Variants in FCHSD2 observed in about 807,000 individuals in gnomAD.
FCHSD2 encodes the protein F-BAR and double SH3 domains protein 2.
In FCHSD2, 38 loss-of-function variants were observed where a neutral mutation model predicts 108.1. The observed-to-expected ratio is 0.35, with a 90% CI of 0.27 to 0.46. FCHSD2 has a LOEUF of 0.46. FCHSD2 is among the 20% of genes least tolerant of loss of function. FCHSD2 has a pLI of 1.00. For synonymous variants in FCHSD2, 279 were observed against 314.7 expected (o/e 0.89, Z 1.20); for missense variants, 751 against 897.8 (o/e 0.84, Z 2.09).
At chr11:73,126,941 G>A (rs1208419822) in intron 2 of FCHSD2, among the ~76,000 whole-genome samples, 1 of 152,180 alleles carries the variant, frequency 6.6e-6, no homozygotes, top group Non-Finnish European at 1.5e-5. Context: ...AGGAGGCCAA[G>A]GCACAAGAAT....
At chr11:72,865,743 G>C (rs565940864) in intron 13 of FCHSD2, among the ~76,000 whole-genome samples, 1 of 152,216 alleles carries the variant, frequency 6.6e-6, no homozygotes, top group East Asian at 1.9e-4. Flanking sequence ...TTCTGGAGTT[G>C]GTGGGGGTGG....
intron 8 of FCHSD2, among the ~76,000 whole-genome samples, chr11:72,937,144 A>G (rs1379920029): frequency 1.3e-5 from 2 of 152,204 alleles, no homozygotes; most frequent in African/African-American, 2.4e-5. Context: ...GGAGGAAGAC[A>G]GAGCTAGAGG....
rs558789170 is a variant in FCHSD2, at chr11:72,924,175, C to T, written c.706-2225G>A. ...AGGCTGGACTCAAACTTCTGGGTTC[C>T]AGTAATCCGCCTGTCTCAGCCTCCT... On this transcript the variant is annotated intron_variant, in intron 8 of 19. Transcript: ENST00000409418. Among the ~76,000 whole-genome samples, 3 of 152,258 alleles carry T rather than the reference C, an allele frequency of 2.0e-5. No individual in the cohort carries two copies. The East Asian group carries it at 5.8e-4, about 29-fold the overall frequency.
chr11:73,081,978 G>A (rs573561114), intron 3 of FCHSD2, among the ~76,000 whole-genome samples: 4 of 152,114 alleles, frequency 2.6e-5, no homozygotes, highest in East Asian at 1.9e-4. Context: ...TGAGGTGGGC[G>A]GATCACCTAA....
intron 8 of FCHSD2, among the ~76,000 whole-genome samples, chr11:72,962,273 T>C (rs1856830913): frequency 6.6e-6 from 1 of 152,218 alleles, no homozygotes. Flanking sequence ...TTCTAGAGGC[T>C]GAATAACGTG....
chr11:73,024,184 T>C (rs529837591), intron 3 of FCHSD2, among the ~76,000 whole-genome samples: 3 of 152,034 alleles, frequency 2.0e-5, no homozygotes, highest in Non-Finnish European at 4.4e-5. Flanking sequence ...CTACCAGTGG[T>C]TGGGGGAACC....
chr11:72,847,019 C>T (rs1424273979), intron 14 of FCHSD2, among the ~76,000 whole-genome samples: 1 of 152,080 alleles, frequency 6.6e-6, no homozygotes, highest in Non-Finnish European at 1.5e-5. Context: ...TTTTTAGAGG[C>T]AGGGTCTCAC....
chr11:73,014,290 C>T (rs1857924224), intron 4 of FCHSD2, among the ~76,000 whole-genome samples: 1 of 151,814 alleles, frequency 6.6e-6, no homozygotes, highest in Admixed American at 6.6e-5. Context: ...TACCACCACA[C>T]CCAGCTAATG....
rs61511109 is a variant in FCHSD2 at position 73,051,868 on chromosome 11, AACACACACACACACAC to A, written c.165+31811_165+31826del. On this transcript the variant is annotated intron_variant, in intron 3 of 19. Transcript: ENST00000409418. ...CTTCAGGATGCTAACACGGTATATA[AACACACACACACACAC>A]ACACACACACACACACACACACACA... Among the ~76,000 whole-genome samples the A allele has an allele frequency of 2.8e-3, 403 of 141,812 alleles. 2 individuals carry two copies. The highest frequency in any genetic ancestry group is 3.6e-3 in the African/African-American group (137 of 37,964). 93.0% of individuals were successfully genotyped at this position (141,812 alleles called of 152,430 possible).
chr11:73,116,377 T>C (rs1045654141), intron 2 of FCHSD2, among the ~76,000 whole-genome samples: 1 of 152,240 alleles, frequency 6.6e-6, no homozygotes, highest in African/African-American at 2.4e-5. Context: ...TGTTAGATTG[T>C]GGCATCACAG....
intron 5 of FCHSD2, among the ~76,000 whole-genome samples, chr11:72,998,704 T>C (rs1857566180): frequency 1.3e-5 from 2 of 152,182 alleles, no homozygotes; most frequent in East Asian, 1.9e-4. Flanking sequence ...AAATTGATAA[T>C]AAAAAATATT....
intron 11 of FCHSD2, among the ~76,000 whole-genome samples, chr11:72,887,890 C>A (rs1855231570): frequency 6.6e-6 from 1 of 152,092 alleles, no homozygotes; most frequent in Non-Finnish European, 1.5e-5. Context: ...CCCTCTTGTT[C>A]TATGGCATTA....
chr11:72,867,969 C>CA lies in FCHSD2; in HGVS notation c.1203dup (p.Val402CysfsTer19). The CA allele has an allele frequency of 6.3e-7, 1 of 1,588,618 alleles. No individual in the cohort carries two copies. The highest frequency in any genetic ancestry group is 8.6e-7 in the Non-Finnish European group (1 of 1,167,014). ...ATGGCACTCTTTAGCCATGTGTCCA[C>CA]AGAAACACCAATCTGCTTTAGCAGG... On this transcript the variant is annotated frameshift_variant, in exon 13 of 20. Transcript: ENST00000409418. LOFTEE classifies it high-confidence loss of function.
At chr11:73,011,048 T>G (rs376912275) in intron 4 of FCHSD2, among the ~76,000 whole-genome samples, 8 of 152,218 alleles carry the variant, frequency 5.3e-5, no homozygotes, top group African/African-American at 1.9e-4. Flanking sequence ...GTGATTGTAG[T>G]GGCAGGGGTG....
At chr11:73,073,382 C>T (rs1203549554) in intron 3 of FCHSD2, among the ~76,000 whole-genome samples, 1 of 152,184 alleles carries the variant, frequency 6.6e-6, no homozygotes, top group Non-Finnish European at 1.5e-5. Context: ...CTGAAACTAC[C>T]AAGCAACTTG....
intron 2 of FCHSD2, among the ~76,000 whole-genome samples, chr11:73,099,884 AG>A (rs1296627452): frequency 1.3e-5 from 2 of 152,196 alleles, no homozygotes; most frequent in Admixed American, 6.5e-5. Context: ...GGTCACTCCG[AG>A]GGGACTTTCG....
At chr11:72,861,604 C>T (rs1861577405) in intron 13 of FCHSD2, among the ~76,000 whole-genome samples, 1 of 152,138 alleles carries the variant, frequency 6.6e-6, no homozygotes, top group Non-Finnish European at 1.5e-5. Flanking sequence ...GCATGCTTAT[C>T]AGAGTCCTAG....
intron 3 of FCHSD2, among the ~76,000 whole-genome samples, chr11:73,080,985 TAAAG>T (rs1859670636): frequency 6.6e-6 from 1 of 151,168 alleles, no homozygotes; most frequent in African/African-American, 2.5e-5. Context: ...TAAAATAAAA[TAAAG>T]AAATAGAAAT....
intron 5 of FCHSD2, among the ~76,000 whole-genome samples, chr11:72,991,777 A>G (rs1857420465): frequency 6.6e-6 from 1 of 152,206 alleles, no homozygotes; most frequent in Non-Finnish European, 1.5e-5. Context: ...AATAAGAACT[A>G]TCTATGACAA....
Sources: allele counts gnomAD v4.1 joint callset (sites outside exome capture counted in the v4.1 genomes callset), GRCh38; gene constraint gnomAD v4.1.1; transcripts MANE v1.5; gene names NCBI Gene and HGNC (gene_info 2026-07-23, HGNC 2026-07-21).